The following UBR4 variants were observed in gnomAD, a reference collection of about 807,000 sequenced individuals.
The protein encoded by UBR4 is E3 ubiquitin-protein ligase UBR4.
In UBR4, 124 loss-of-function variants were observed where a neutral mutation model predicts 575.6. The ratio of observed to expected loss-of-function variants is 0.22; its 90% CI spans 0.19 to 0.25. The LOEUF is 0.25. UBR4 is among the 10% of genes least tolerant of loss of function. UBR4 has a pLI of 1.00. For synonymous variants in UBR4, 2,455 were observed against 2,473.7 expected (o/e 0.99, Z 0.22); for missense variants, 4,818 against 6,478.8 (o/e 0.74, Z 8.80).
chr1:19,120,129 C>T (rs1471327170), intron 69 of UBR4, 51 bp downstream of exon 69: 1 of 1,595,476 alleles, frequency 6.3e-7, no homozygotes, highest in Non-Finnish European at 8.6e-7. Flanking sequence ...CTGCATTACG[C>T]ACCCTGGCCT....
In UBR4 at chr1:19,174,402, A is replaced by G. The variant is rs1298451070; in HGVS notation, c.2899T>C (p.Tyr967His). 1.2e-6 allele frequency: 2 copies of G among 1,612,862 alleles called. No individual in the cohort carries two copies. The highest frequency in any genetic ancestry group is 2.2e-5 in the South Asian group (2 of 91,064). Residue 967 changes from tyrosine (Y) to histidine (H), a missense_variant, in exon 22 of 106, where the codon TAT becomes CAT. Tyr to His is a moderately conservative substitution (Grantham distance 83). Transcript: ENST00000375254. ...GCAAGCAGGGCTGTCAGTGCAGCAT[A>G]AAGCTCATCATACTTGACAAGCTTG... ...FSKLVKYDEL[Y>H]AALTALLAAG...
At position 19,140,164 on chromosome 1, in the gene UBR4, C is replaced by A. The variant is rs574470262; in HGVS notation, c.8593+624G>T. Among the ~76,000 whole-genome samples, 52 of 151,950 alleles carry A rather than the reference C, an allele frequency of 3.4e-4. No homozygotes were observed. The Middle Eastern group carries it at 0.021, about 60-fold the overall frequency. On this transcript the variant is annotated intron_variant, in intron 58 of 105. Coordinates refer to ENST00000375254, the MANE Select transcript of UBR4 (RefSeq NM_020765.3). The stretch of plus-strand genomic sequence containing the variant: ...ACTATAAATCAACCCTTAAATTACT[C>A]AGGGGTTGACCAGGTATCTCCATTT...
chr1:19,103,835 A>G (rs1359822525), intron 87 of UBR4, among the ~76,000 whole-genome samples: 3 of 152,220 alleles, frequency 2.0e-5, no homozygotes, highest in Non-Finnish European at 4.4e-5. Context: ...GAAGACACCA[A>G]TGAGAGAGCC....
chr1:19,164,778 A>G, intron 32 of UBR4, 21 bp downstream of exon 32: 1 of 1,610,076 alleles, frequency 6.2e-7, no homozygotes, highest in South Asian at 1.1e-5. Flanking sequence ...GGGAAACACG[A>G]CAGAAATGTA....
intron 103 of UBR4, chr1:19,079,563 G>C (rs1037810586): frequency 2.0e-5 from 3 of 152,230 alleles, no homozygotes; most frequent in Non-Finnish European, 4.4e-5. Context: ...GAAGAGGCCA[G>C]CTTCTGCTGA....
intron 22 of UBR4, 98 bp from the exon 23 acceptor site, chr1:19,173,719 C>A (rs1267460587): frequency 3.4e-6 from 4 of 1,169,654 alleles, no homozygotes; most frequent in Non-Finnish European, 4.9e-6. Context: ...TAAACCAGAA[C>A]TGTATAGAGT....
Position 19,110,729 on chromosome 1 carries a change from T to C in UBR4, c.11892+13A>G, listed in dbSNP as rs1427951196. The C allele has an allele frequency of 1.2e-5, 19 of 1,613,802 alleles. No individual in the cohort carries two copies. Among genetic ancestry groups the C allele is most frequent in the Non-Finnish European group, 1.5e-5 (18 of 1,179,860 alleles). ...AGTCAGAGAGGACAGCTGGGCCTGC[T>C]AGGCCGGCTCACCAGATCGGGGTTG... On this transcript the variant is annotated intron_variant, in intron 79 of 105. Coordinates refer to ENST00000375254, the MANE Select transcript of UBR4 (RefSeq NM_020765.3). The surrounding 1 kb of genome is among the most constrained non-coding windows in gnomAD (Gnocchi z 4.5).
Position 19,106,770 on chromosome 1 carries a change from A to G in UBR4, c.12236-44T>C. ...CAGGGGTAGTAGGTAAGTAAATGAG[A>G]GTGACAGAAGGCAGGGCTGTCAGAG... On this transcript the variant is annotated intron_variant, in intron 82 of 105. Coordinates refer to ENST00000375254, the MANE Select transcript of UBR4 (RefSeq NM_020765.3). The G allele has an allele frequency of 1.9e-6, 3 of 1,600,528 alleles. No homozygotes were observed. The South Asian group carries it at 3.3e-5, about 18-fold the overall frequency.
chr1:19,138,268 A>G, intron 59 of UBR4, 87 bp from the exon 60 acceptor site: 1 of 1,334,644 alleles, frequency 7.5e-7, no homozygotes, highest in Non-Finnish European at 9.9e-7. Flanking sequence ...AATAGTTAAG[A>G]CAGTAACTGA....
Position 19,119,085 on chromosome 1 carries a change from C to T in UBR4, c.10456-128G>A. ...ACCAGACTTCTCAGTCAGAATCATA[C>T]AAAGCTGGGCCTAATTTCAATCATT... On this transcript the variant is annotated intron_variant, in intron 70 of 105. Transcript: ENST00000375254. 2.0e-5 allele frequency: 15 copies of T among 757,036 alleles called. 1 individual carries two copies. In the South Asian group the frequency reaches 2.5e-4, roughly 12 times the overall value. 46.9% of individuals were successfully genotyped at this position (757,036 alleles called of 1,614,324 possible).
intron 89 of UBR4, among the ~76,000 whole-genome samples, chr1:19,099,886 C>T (rs2078445295): frequency 6.6e-6 from 1 of 152,068 alleles, no homozygotes; most frequent in Non-Finnish European, 1.5e-5. Context: ...CGTCCCTAAC[C>T]CACACACAGG....
Position 19,169,542 on chromosome 1 carries a change from A to C in UBR4, c.3644-10T>G. ...TGAACCAGTGTCGGACCTGGAGGCG[A>C]CAGAAAGGACAAGGAATCATCACAA... On this transcript the variant is annotated splice_polypyrimidine_tract_variant and intron_variant, in intron 26 of 105. Coordinates refer to ENST00000375254, the MANE Select transcript of UBR4 (RefSeq NM_020765.3). The C allele has an allele frequency of 6.2e-7, 1 of 1,610,512 alleles. No individual in the cohort carries two copies. Among genetic ancestry groups the C allele is most frequent in the Non-Finnish European group, 8.5e-7 (1 of 1,178,314 alleles).
chr1:19,095,117 T>C, intron 93 of UBR4, 92 bp from the exon 94 acceptor site: 1 of 1,578,420 alleles, frequency 6.3e-7, no homozygotes, highest in South Asian at 1.1e-5. Flanking sequence ...CTCACAGCCT[T>C]ACTCCCCAGA....
chr1:19,116,617 G>A (rs2080564161), intron 73 of UBR4, among the ~76,000 whole-genome samples: 1 of 152,154 alleles, frequency 6.6e-6, no homozygotes, highest in Non-Finnish European at 1.5e-5. Context: ...AGCAATGCCT[G>A]AGAGTTCAAA....
chr1:19,154,895 G>T (rs375522615), intron 44 of UBR4, 23 bp downstream of exon 44: 17 of 1,613,766 alleles, frequency 1.1e-5, no homozygotes, highest in Non-Finnish European at 1.2e-5. Flanking sequence ...TGCGGAAGTT[G>T]AACATTAAAT....
rs528564938 is a variant in UBR4 at position 19,092,114 on chromosome 1, T to C, written c.14211+705A>G. ...CTTGTGGCAGGGGAGCAGGGGAAGATAGATGTGGCTACAAAAGGCCAACAA... is the reference window on the plus strand; with the variant it reads ...CTTGTGGCAGGGGAGCAGGGGAAGACAGATGTGGCTACAAAAGGCCAACAA... On this transcript the variant is annotated intron_variant, in intron 97 of 105. Coordinates refer to ENST00000375254, the MANE Select transcript of UBR4 (RefSeq NM_020765.3). Among the ~76,000 whole-genome samples the C allele has an allele frequency of 8.0e-4, 122 of 152,028 alleles. 1 individual carries two copies. Among genetic ancestry groups the C allele is most frequent in the African/African-American group, 2.7e-3 (113 of 41,454 alleles).
Position 19,152,003 on chromosome 1 carries a change from T to C in UBR4, c.6997-144A>G. On this transcript the variant is annotated intron_variant, in intron 47 of 105. Transcript: ENST00000375254. This position sits in a 1 kb window ranked among gnomAD's most constrained non-coding sequence, Gnocchi z 4.4. ...TCCCTGGTAATGACTTCCTTGTTTC[T>C]AAAAATGGGAAAATAGGAAAAGAGA... 1.1e-6 allele frequency: 1 copy of C among 879,330 alleles called. No individual in the cohort carries two copies. Among genetic ancestry groups the C allele is most frequent in the Non-Finnish European group, 1.7e-6 (1 of 594,072 alleles). 54.5% of individuals were successfully genotyped at this position (879,330 alleles called of 1,614,324 possible). A position where few individuals can be genotyped will look rare whatever the true frequency, so the allele number is the denominator to read the frequency against.
intron 19 of UBR4, among the ~76,000 whole-genome samples, chr1:19,177,041 C>T (rs1031816377): frequency 6.6e-6 from 1 of 152,190 alleles, no homozygotes; most frequent in Non-Finnish European, 1.5e-5. Context: ...AAATGCTGAA[C>T]ACAGTTAAGT....
Position 19,198,571 on chromosome 1 carries a change from T to C in UBR4, c.618A>G (p.Val206=), listed in dbSNP as rs745382101. 6.2e-6 allele frequency: 10 copies of C among 1,614,110 alleles called. No homozygotes were observed. The Admixed American group carries it at 6.7e-5, about 11-fold the overall frequency. Residue 206 remains valine, a synonymous_variant, in exon 5 of 106, where the codon GTA becomes GTG. Coordinates refer to ENST00000375254, the MANE Select transcript of UBR4 (RefSeq NM_020765.3). ...TCTGTGTACTGATAGGTTGTGATGCTACAGTTCTAGGGTTAAAAACTGAGG... is the reference window on the plus strand; with the variant it reads ...TCTGTGTACTGATAGGTTGTGATGCCACAGTTCTAGGGTTAAAAACTGAGG... The part of the protein sequence containing the change: ...QLTSVFNPRT[V]ASQPISTQTL...
Sources: gnomAD v4.1 joint callset for allele counts (sites outside exome capture counted in the v4.1 genomes callset) on GRCh38, gnomAD v4.1.1 for gene constraint, Gnocchi (gnomAD v3.1) non-coding constraint, MANE v1.5 for transcripts, NCBI Gene and HGNC (gene_info 2026-07-23, HGNC 2026-07-21) for gene names.